The following FHL2 variants were observed in gnomAD, a reference collection of about 807,000 sequenced individuals.
FHL2 encodes the protein four and a half LIM domains protein 2.
In FHL2, 20 loss-of-function variants were observed where a neutral mutation model predicts 32.7. The observed-to-expected ratio is 0.61, with a 90% CI of 0.43 to 0.89. FHL2 has a LOEUF of 0.89. Ranked by LOEUF, FHL2 falls within the 40% of genes least tolerant of loss-of-function variation. The pLI is 0.00. For synonymous variants in FHL2, 123 were observed against 128.1 expected, an observed-to-expected ratio of 0.96 and a Z score of 0.27; for missense variants, 311 against 358.6, an observed-to-expected ratio of 0.87 and a Z score of 1.07.
chr2:105,413,105 T>C (rs552841170), intron 1 of FHL2, among the ~76,000 whole-genome samples: 6 of 152,272 alleles, frequency 3.9e-5, no homozygotes, highest in African/African-American at 9.6e-5. Flanking sequence ...CGTTTCCTGG[T>C]TCCATCCCTT....
At chr2:105,422,818 T>C (rs1684144777) in intron 1 of FHL2, among the ~76,000 whole-genome samples, 1 of 152,202 alleles carries the variant, frequency 6.6e-6, no homozygotes, top group African/African-American at 2.4e-5. Context: ...TACTACAGGT[T>C]GCATTGTACA....
chr2:105,405,599 C>A (rs184787245), intron 1 of FHL2, among the ~76,000 whole-genome samples: 58 of 152,322 alleles, frequency 3.8e-4, no homozygotes, highest in African/African-American at 1.3e-3. Flanking sequence ...TTAAACCACA[C>A]CAAGATCTGT....
intron 5 of FHL2, among the ~76,000 whole-genome samples, chr2:105,365,061 C>G (rs998829754): frequency 6.6e-6 from 1 of 152,184 alleles, no homozygotes; most frequent in Non-Finnish European, 1.5e-5. Context: ...GTCCTCAGTC[C>G]TCCCTTGCTC....
chr2:105,433,612 G>A (rs555694692), intron 1 of FHL2, among the ~76,000 whole-genome samples: 63 of 152,136 alleles, frequency 4.1e-4, no homozygotes, highest in Non-Finnish European at 7.4e-4. Context: ...GTGCCCCTTT[G>A]CCTCTCAGTG....
chr2:105,382,725 C>G (rs1021252892), intron 3 of FHL2, among the ~76,000 whole-genome samples: 3 of 152,058 alleles, frequency 2.0e-5, no homozygotes, highest in Non-Finnish European at 4.4e-5. Context: ...ACCCTCCAAG[C>G]ACATGGGTGG....
chr2:105,398,300 C>CT (rs11414825), intron 1 of FHL2, among the ~76,000 whole-genome samples: 107,452 of 152,188 alleles, frequency 0.71, 38,084 homozygotes, highest in African/African-American at 0.76. Context: ...AACTTAGAAT[C>CT]TTTTCATTTA....
Position 105,395,574 on chromosome 2 carries a change from G to A in FHL2, c.-25+1073C>T, listed in dbSNP as rs187426958. 1.8e-4 allele frequency among the ~76,000 whole-genome samples: 28 copies of A among 152,238 alleles called. No individual in the cohort carries two copies. The East Asian group carries it at 3.1e-3, about 17-fold the overall frequency. On this transcript the variant is annotated intron_variant, in intron 2 of 6. Transcript: ENST00000530340. The stretch of plus-strand genomic sequence containing the variant: ...TGCCACTCTGTGGGGTTTCTCTGGC[G>A]CACTGCAACAGGACTCTGTCCCGAG...
At chr2:105,435,791 C>T (rs1684591101) in intron 1 of FHL2, among the ~76,000 whole-genome samples, 1 of 152,162 alleles carries the variant, frequency 6.6e-6, no homozygotes, top group African/African-American at 2.4e-5. Flanking sequence ...CACTGCACTC[C>T]AGCCTGGGTG....
chr2:105,388,615 G>A (rs1276609867), intron 2 of FHL2, among the ~76,000 whole-genome samples: 1 of 151,428 alleles, frequency 6.6e-6, no homozygotes, highest in Non-Finnish European at 1.5e-5. Flanking sequence ...CTGAGGTTGG[G>A]AGCTTGAGAC....
At chr2:105,399,340 C>T, upstream of FHL2, 1 of 1,535,868 alleles carries the variant, frequency 6.5e-7, no homozygotes, top group Non-Finnish European at 8.7e-7. Flanking sequence ...GGCCTGGGCG[C>T]GGTGGCAGGG....
At chr2:105,368,986 T>C (rs1382924147) in intron 4 of FHL2, among the ~76,000 whole-genome samples, 2 of 152,256 alleles carry the variant, frequency 1.3e-5, no homozygotes, top group African/African-American at 4.8e-5. Flanking sequence ...TTACATCCGC[T>C]TTTAAGCTAG....
intron 1 of FHL2, among the ~76,000 whole-genome samples, chr2:105,428,897 T>C (rs1684341419): frequency 6.6e-6 from 1 of 152,240 alleles, no homozygotes; most frequent in Admixed American, 6.5e-5. Context: ...ATGCTAGGCT[T>C]TCATTTTTAC....
chr2:105,422,973 C>T (rs1290033279), intron 1 of FHL2, among the ~76,000 whole-genome samples: 3 of 152,162 alleles, frequency 2.0e-5, no homozygotes, highest in Admixed American at 2.0e-4. Flanking sequence ...CACTTCTTTC[C>T]TTTTCCTGCA....
chr2:105,382,245 G>A lies in FHL2; in HGVS notation c.156+4116C>T, dbSNP rs540446569. 1.1e-3 allele frequency among the ~76,000 whole-genome samples: 170 copies of A among 152,238 alleles called. 3 individuals are homozygous for A. The highest frequency in any genetic ancestry group is 3.9e-3 in the African/African-American group (163 of 41,536). On this transcript the variant is annotated intron_variant, in intron 3 of 6. Transcript: ENST00000530340. ...GCAATGTAATCATCACCATCTAAAGGGGCCCATGAGAAGAGTAGGGGCCTC... is the reference window on the plus strand; with the variant it reads ...GCAATGTAATCATCACCATCTAAAGAGGCCCATGAGAAGAGTAGGGGCCTC...
chr2:105,367,558 C>T lies in FHL2; in HGVS notation c.501+12G>A, dbSNP rs1412779352. On this transcript the variant is annotated intron_variant, in intron 5 of 6. Transcript: ENST00000530340. The stretch of plus-strand genomic sequence containing the variant: ...CCAGAACGTGCAAGGGCCAAGGGGG[C>T]ATCTGAGATACCTTTTTGCACTGAA... 6.2e-7 allele frequency: 1 copy of T among 1,605,740 alleles called. No homozygotes were observed. The highest frequency in any genetic ancestry group is 8.5e-7 in the Non-Finnish European group (1 of 1,174,722).
At chr2:105,383,170 G>A (rs371938679) in intron 3 of FHL2, among the ~76,000 whole-genome samples, 253 of 152,336 alleles carry the variant, frequency 1.7e-3, no homozygotes, top group African/African-American at 5.6e-3. Flanking sequence ...ACAGGCGTGG[G>A]CCACTGTGCC....
intron 1 of FHL2, among the ~76,000 whole-genome samples, chr2:105,409,488 G>T (rs1362760372): frequency 6.6e-6 from 1 of 152,108 alleles, no homozygotes; most frequent in Non-Finnish European, 1.5e-5. Flanking sequence ...AGCTCTTTAG[G>T]TCAGCCCCCA....
downstream of FHL2, chr2:105,360,234 G>T (rs1298487772): frequency 1.3e-5 from 2 of 151,076 alleles, no homozygotes; most frequent in African/African-American, 4.9e-5. Flanking sequence ...CGCGGGAAGT[G>T]GAGGTTGCAG....
In FHL2 at chr2:105,363,349, G is replaced by C; in HGVS notation, c.624C>G (p.Tyr208Ter). Reference sequence around the variant, plus strand: ...ACAAGTCACAGAAGCAGTTCAGGCAGTAGGCAAAGTCATCGCGAGCTGTGA... The same window carrying C: ...ACAAGTCACAGAAGCAGTTCAGGCACTAGGCAAAGTCATCGCGAGCTGTGA... Reference protein sequence around the residue: ...QRFTARDDFAYCLNCFCDLYA... With the variant: ...QRFTARDDFA The change falls in exon 6 of 7, where the codon TAC becomes TAG. Residue 208 changes from tyrosine (Y) to a stop codon, truncating the protein, a stop_gained. Transcript: ENST00000530340. LOFTEE classifies it high-confidence loss of function. The C allele has an allele frequency of 6.2e-7, 1 of 1,614,240 alleles. No individual in the cohort carries two copies. Among genetic ancestry groups the C allele is most frequent in the Non-Finnish European group, 8.5e-7 (1 of 1,180,048 alleles).
Sources: allele counts gnomAD v4.1 joint callset (sites outside exome capture counted in the v4.1 genomes callset), GRCh38; gene constraint gnomAD v4.1.1; transcripts MANE v1.5; gene names NCBI Gene and HGNC (gene_info 2026-07-23, HGNC 2026-07-21).